LGR6: variants seen among roughly 807,000 people sequenced by gnomAD.
The protein encoded by LGR6 is leucine-rich repeat-containing G protein-coupled receptor 6.
A neutral mutation model predicts 69.4 loss-of-function variants in LGR6; 45 were observed. The observed-to-expected ratio is 0.65, with a 90% CI of 0.51 to 0.83. LGR6 has a LOEUF of 0.83. Ranked by LOEUF, LGR6 falls within the 40% of genes least tolerant of loss-of-function variation. The probability of loss-of-function intolerance (pLI) is 0.00; values close to 1 mark genes in which losing one functional copy is unlikely to be tolerated. For synonymous variants in LGR6, 538 were observed against 555.0 expected, an observed-to-expected ratio of 0.97 and a Z score of 0.43; for missense variants, 1,108 against 1,246.7, an observed-to-expected ratio of 0.89 and a Z score of 1.68.
chr1:202,279,105 G>A (rs1415648073), intron 5 of LGR6, among the ~76,000 whole-genome samples: 4 of 152,134 alleles, frequency 2.6e-5, no homozygotes, highest in Non-Finnish European at 5.9e-5. Flanking sequence ...GGCAGAAGGG[G>A]GTGGAAAATG....
intron 1 of LGR6, among the ~76,000 whole-genome samples, chr1:202,196,136 C>T (rs1044367149): frequency 4.6e-5 from 7 of 151,972 alleles, no homozygotes; most frequent in Non-Finnish European, 2.9e-5. Flanking sequence ...TATGATGGGT[C>T]CTGAGGCAAT....
intron 4 of LGR6, among the ~76,000 whole-genome samples, chr1:202,250,130 C>G (rs1442579694): frequency 6.6e-6 from 1 of 152,138 alleles, no homozygotes; most frequent in Non-Finnish European, 1.5e-5. Context: ...GTTCCCTCTG[C>G]CTGATATACT....
chr1:202,306,162 C>T (rs1244212113), intron 12 of LGR6, among the ~76,000 whole-genome samples: 1 of 152,202 alleles, frequency 6.6e-6, no homozygotes, highest in Non-Finnish European at 1.5e-5. Context: ...TAAACACGCA[C>T]ATGCATATGT....
intron 13 of LGR6, 103 bp from the exon 14 acceptor site, chr1:202,307,227 T>C (rs2148286255): frequency 8.9e-7 from 1 of 1,120,376 alleles, no homozygotes; most frequent in Non-Finnish European, 1.3e-6. Flanking sequence ...TTACTGTTAC[T>C]GGGGGCAGGT....
intron 1 of LGR6, among the ~76,000 whole-genome samples, chr1:202,214,425 CGCGGGCAGGG>C (rs201887207): frequency 0.023 from 3,513 of 150,446 alleles, 138 homozygotes; most frequent in African/African-American, 0.08. Flanking sequence ...GAGCGGGCGG[CGCGGGCAGGG>C]GCGGGCAGGG....
chr1:202,209,950 T>C (rs1221958890), intron 1 of LGR6, among the ~76,000 whole-genome samples: 2 of 152,248 alleles, frequency 1.3e-5, no homozygotes, highest in Non-Finnish European at 2.9e-5. Context: ...TGATGCACCA[T>C]TGGTTTATAT....
Position 202,319,161 on chromosome 1 carries a change from G to A in LGR6, c.2858G>A (p.Gly953Asp), listed in dbSNP as rs140962939. 1 of 1,613,272 alleles carries A rather than the reference G, an allele frequency of 6.2e-7. No individual in the cohort carries two copies. Among genetic ancestry groups the A allele is most frequent in the Non-Finnish European group, 8.5e-7 (1 of 1,179,578 alleles). ...CCAGCAGGTGGAGGCTTGTCAGGGG[G>A]TGGCGGCTTTCAGCCCTCTGGCTTG... ...STPAGGGLSG[G>D]GGFQPSGLAF... The change falls in exon 18 of 18, where the codon GGT becomes GAT. Residue 953 changes from glycine to aspartate, a missense_variant. Transcript: ENST00000367278.
chr1:202,288,456 G>A (rs906145192), intron 6 of LGR6, among the ~76,000 whole-genome samples: 1 of 152,158 alleles, frequency 6.6e-6, no homozygotes, highest in African/African-American at 2.4e-5. Context: ...ATAAATGTTT[G>A]GTGAACAAAT....
intron 6 of LGR6, among the ~76,000 whole-genome samples, chr1:202,293,748 G>A (rs1459712580): frequency 6.6e-6 from 1 of 152,044 alleles, no homozygotes; most frequent in African/African-American, 2.4e-5. Flanking sequence ...GAAAACTCCG[G>A]CCACCTCATT....
At position 202,222,671 on chromosome 1, in the gene LGR6, C is replaced by T. The variant is rs1327845328; in HGVS notation, c.213-2752C>T. Among the ~76,000 whole-genome samples the T allele has an allele frequency of 2.0e-5, 3 of 152,338 alleles. No homozygotes were observed. In the South Asian group the frequency reaches 6.2e-4, roughly 32 times the overall value. On this transcript the variant is annotated intron_variant, in intron 1 of 17. Coordinates refer to ENST00000367278, the MANE Select transcript of LGR6 (RefSeq NM_001017403.2). ...GGGGGAGGAGTCCGATCTGGCCCAGCTTCTGCGCTTGGGTTTCTGTGGGTG... is the reference window on the plus strand; with the variant it reads ...GGGGGAGGAGTCCGATCTGGCCCAGTTTCTGCGCTTGGGTTTCTGTGGGTG...
chr1:202,239,174 C>G (rs1038881707), intron 4 of LGR6, among the ~76,000 whole-genome samples: 4 of 152,180 alleles, frequency 2.6e-5, no homozygotes, highest in Admixed American at 6.5e-5. Flanking sequence ...CCTGCTTCTG[C>G]TGTCTTGCTG....
chr1:202,197,205 C>T (rs1658673116), intron 1 of LGR6: 1 of 466,050 alleles, frequency 2.1e-6, no homozygotes, highest in African/African-American at 2.0e-5. Flanking sequence ...GAGATTTTCT[C>T]CTTCTAGCCA....
intron 1 of LGR6, among the ~76,000 whole-genome samples, chr1:202,216,223 T>C (rs1265466870): frequency 6.6e-6 from 1 of 152,166 alleles, no homozygotes; most frequent in Non-Finnish European, 1.5e-5. Context: ...AATGGTTGAG[T>C]TGGGTGGTGA....
chr1:202,310,950 G>C (rs1379743691), intron 16 of LGR6, among the ~76,000 whole-genome samples: 1 of 152,048 alleles, frequency 6.6e-6, no homozygotes, highest in Non-Finnish European at 1.5e-5. Context: ...GGCCATTCCA[G>C]TGCAGGCTGT....
chr1:202,247,886 C>A (rs1423600511), intron 4 of LGR6, among the ~76,000 whole-genome samples: 1 of 152,228 alleles, frequency 6.6e-6, no homozygotes, highest in East Asian at 1.9e-4. Flanking sequence ...CTGTGGCCTG[C>A]AGCAGCCTTC....
intron 12 of LGR6, 50 bp downstream of exon 12, chr1:202,305,799 C>A (rs1247996828): frequency 1.3e-6 from 2 of 1,487,062 alleles, no homozygotes; most frequent in South Asian, 2.3e-5. Flanking sequence ...AGACCCTGAG[C>A]AAGTCCTGTA....
chr1:202,231,065 C>T (rs180800926), intron 3 of LGR6, among the ~76,000 whole-genome samples: 1 of 152,322 alleles, frequency 6.6e-6, no homozygotes, highest in Non-Finnish European at 1.5e-5. Context: ...GAAGGCAGCT[C>T]CTGCTTCCTG....
chr1:202,297,970 AG>A (rs575390743), intron 7 of LGR6, among the ~76,000 whole-genome samples: 34 of 152,342 alleles, frequency 2.2e-4, no homozygotes, highest in Middle Eastern at 3.4e-3. Flanking sequence ...CCTTGTCCCC[AG>A]GGGTACTGAG....
rs1363735426 is a variant in LGR6 at position 202,217,021 on chromosome 1, T to C, written c.213-8402T>C. 2.0e-5 allele frequency among the ~76,000 whole-genome samples: 3 copies of C among 152,220 alleles called. No homozygotes were observed. In the East Asian group the frequency reaches 5.8e-4, roughly 29 times the overall value. On this transcript the variant is annotated intron_variant, in intron 1 of 17. Coordinates refer to ENST00000367278, the MANE Select transcript of LGR6 (RefSeq NM_001017403.2). ...GGATTCAGGAACTTGTGTGGGCCACTCCAGCTTCACAGCTGTGCCGGGGAG... is the reference window on the plus strand; with the variant it reads ...GGATTCAGGAACTTGTGTGGGCCACCCCAGCTTCACAGCTGTGCCGGGGAG...
Sources: allele counts gnomAD v4.1 joint callset (sites outside exome capture counted in the v4.1 genomes callset), GRCh38; gene constraint gnomAD v4.1.1; transcripts MANE v1.5; gene names NCBI Gene and HGNC (gene_info 2026-07-23, HGNC 2026-07-21).